The following KIF21B variants were observed in gnomAD, a reference collection of about 807,000 sequenced individuals.
KIF21B encodes the protein kinesin-like protein KIF21B.
KIF21B carries 85 observed loss-of-function variants against 192.9 expected under a neutral mutation model. The observed-to-expected ratio is 0.44, with a 90% CI of 0.37 to 0.53. KIF21B has a LOEUF of 0.53. KIF21B is among the 20% of genes least tolerant of loss of function. The probability of loss-of-function intolerance (pLI) is 0.00; values close to 1 mark genes in which losing one functional copy is unlikely to be tolerated. For missense variants in KIF21B, 1,716 were observed against 2,194.8 expected (o/e 0.78, Z 4.36); for synonymous variants, 832 against 884.6 (o/e 0.94, Z 1.05).
In KIF21B at chr1:200,992,355, T is replaced by C; in HGVS notation, c.2312A>G (p.Gln771Arg). The part of the protein sequence containing the change: ...ALMKQMREEQ[Q>R]RRRLVETKRN... Reference sequence around the variant, plus strand: ...CTTGGTCTCCACTAGCCGCCGCCGCTGTTGCTCCTCACGCATCTGCTTCAT... The same window carrying C: ...CTTGGTCTCCACTAGCCGCCGCCGCCGTTGCTCCTCACGCATCTGCTTCAT... Residue 771 changes from glutamine to arginine, a missense_variant, in exon 16 of 35, where the codon CAG becomes CGG. Physicochemically the swap from Gln to Arg is conservative, Grantham distance 43. Coordinates refer to ENST00000461742, the MANE Select transcript of KIF21B (RefSeq NM_001252102.2). The C allele has an allele frequency of 6.2e-7, 1 of 1,613,312 alleles. No individual in the cohort carries two copies. Among genetic ancestry groups the C allele is most frequent in the Non-Finnish European group, 8.5e-7 (1 of 1,180,034 alleles).
intron 8 of KIF21B, chr1:201,003,297 C>G (rs2102446140): frequency 2.0e-6 from 1 of 489,910 alleles, no homozygotes; most frequent in South Asian, 2.1e-5. Flanking sequence ...GAGTGTCTGC[C>G]CTGTGCACAA....
Position 200,990,541 on chromosome 1 carries a change from G to T in KIF21B, c.2835+35C>A. 6.2e-7 allele frequency: 1 copy of T among 1,607,402 alleles called. No homozygotes were observed. The highest frequency in any genetic ancestry group is 8.5e-7 in the Non-Finnish European group (1 of 1,176,062). On this transcript the variant is annotated intron_variant, in intron 19 of 34. Coordinates refer to ENST00000461742, the MANE Select transcript of KIF21B (RefSeq NM_001252102.2). The surrounding 1 kb of genome is among the most constrained non-coding windows in gnomAD (Gnocchi z 5.4). ...GGAGGTGTCAGAGGACAGGCAGAGGGGTGGAATGGAAGAGAAGGGGGAGGC... is the reference window on the plus strand; with the variant it reads ...GGAGGTGTCAGAGGACAGGCAGAGGTGTGGAATGGAAGAGAAGGGGGAGGC...
chr1:201,001,400 A>G (rs79710471), intron 9 of KIF21B: 3,138 of 152,836 alleles, frequency 0.021, 62 homozygotes, highest in Non-Finnish European at 0.034. Flanking sequence ...TTAAATTTTT[A>G]TTTTTTGGTT....
intron 1 of KIF21B, among the ~76,000 whole-genome samples, chr1:201,014,080 G>A (rs1658370046): frequency 6.6e-6 from 1 of 152,258 alleles, no homozygotes; most frequent in African/African-American, 2.4e-5. Context: ...GCGGCGGGTA[G>A]AGCGGGCGCG....
rs757521014 is a variant in KIF21B at position 200,992,291 on chromosome 1, C to T, written c.2376G>A (p.Arg792=). ...REIAQLKKEQ[R]RQEFQIRALE... ...AAGGGCCACCCCTCACCTCCTGTCG[C>T]CGCTGCTCCTTCTTGAGCTGTGCGA... The change falls in exon 16 of 35, where the codon CGG becomes CGA. Residue 792 remains arginine, a synonymous_variant. Transcript: ENST00000461742. 17 of 1,611,758 alleles carry T rather than the reference C, an allele frequency of 1.1e-5. No individual in the cohort carries two copies. The highest frequency in any genetic ancestry group is 7.7e-5 in the South Asian group (7 of 91,094).
intron 1 of KIF21B, among the ~76,000 whole-genome samples, chr1:201,013,770 T>C (rs1051219316): frequency 6.6e-6 from 1 of 152,236 alleles, no homozygotes; most frequent in African/African-American, 2.4e-5. Context: ...AAAACCTCAG[T>C]AATCAAGATA....
intron 14 of KIF21B, 105 bp from the exon 15 acceptor site, chr1:200,996,500 G>GT: frequency 9.8e-7 from 1 of 1,023,866 alleles, no homozygotes; most frequent in South Asian, 1.4e-5. Flanking sequence ...CAGTCTCATT[G>GT]TATGACCTTG....
chr1:200,973,818 G>C, intron 34 of KIF21B: 1 of 1,430,804 alleles, frequency 7.0e-7, no homozygotes, highest in Non-Finnish European at 9.1e-7. Flanking sequence ...TTTTTTGGGG[G>C]GGTGTTTCGT....
Position 200,986,904 on chromosome 1 carries a change from C to G in KIF21B, c.3629G>C (p.Arg1210Pro). 2 of 1,613,870 alleles carry G rather than the reference C, an allele frequency of 1.2e-6. No homozygotes were observed. The highest frequency in any genetic ancestry group is 1.7e-5 in the Admixed American group (1 of 59,984). Residue 1210 changes from arginine to proline, a missense_variant, in exon 26 of 35, where the codon CGA becomes CCA. This residue lies in a region of KIF21B where 580 missense variants were observed against 775.5 expected (regional missense o/e 0.75). Coordinates refer to ENST00000461742, the MANE Select transcript of KIF21B (RefSeq NM_001252102.2). ...CGTCAGCGGGGACGTCTCTGTGGCT[C>G]GAGATTGCCTAGGGCTACAACAGAA... ...TRGSTFPRQS[R>P]ATETSPLTRR...
At position 200,988,800 on chromosome 1, in the gene KIF21B, G is replaced by A. The variant is rs770735223; in HGVS notation, c.3264C>T (p.Pro1088=). 7.4e-6 allele frequency: 12 copies of A among 1,613,768 alleles called. No homozygotes were observed. The highest frequency in any genetic ancestry group is 6.7e-5 in the Admixed American group (4 of 59,970). ...DALREKAEAH[P]ELQALIYNVQ... is the part of the protein sequence containing the mutation. ...CATTGTAGATGAGGGCCTGCAGCTC[G>A]GGGTGAGCTTCAGCCTTCTCACGCA... Residue 1088 remains proline (P), a synonymous_variant, in exon 22 of 35, where the codon CCC becomes CCT. Coordinates refer to ENST00000461742, the MANE Select transcript of KIF21B (RefSeq NM_001252102.2).
intron 1 of KIF21B, among the ~76,000 whole-genome samples, chr1:201,011,125 A>G (rs573349631): frequency 3.3e-4 from 50 of 152,366 alleles, no homozygotes; most frequent in African/African-American, 1.2e-3. Flanking sequence ...TCGTCTCCCA[A>G]CTGAATTGGC....
At chr1:200,991,537 T>C in intron 17 of KIF21B, 120 bp downstream of exon 17, 5 of 1,029,604 alleles carry the variant, frequency 4.9e-6, no homozygotes, top group Non-Finnish European at 7.3e-6. Flanking sequence ...AACTGGGAAA[T>C]ACCGCCTTTA....
rs886780882 is a variant in KIF21B, at chr1:201,008,005, T to C, written c.447+764A>G. Among the ~76,000 whole-genome samples, 3 of 152,042 alleles carry C rather than the reference T, an allele frequency of 2.0e-5. No individual in the cohort carries two copies. The South Asian group carries it at 6.2e-4, about 32-fold the overall frequency. On this transcript the variant is annotated intron_variant, in intron 3 of 34. Transcript: ENST00000461742. ...CACCACCTGTGTGCCCAGGAGGGAG[T>C]AGCTGTGTTGTGGTAGGCAGGGGCT...
At chr1:201,009,130 G>T (rs1016317185) in intron 2 of KIF21B, 136 bp downstream of exon 2, 2 of 1,102,638 alleles carry the variant, frequency 1.8e-6, no homozygotes, top group Non-Finnish European at 2.6e-6. Flanking sequence ...GCTAACCAGC[G>T]GTGCAACGGC....
Position 201,000,552 on chromosome 1 carries a change from C to G in KIF21B, c.1523G>C (p.Arg508Pro). Residue 508 changes from arginine to proline, a missense_variant, in exon 11 of 35, where the codon CGG becomes CCG. Arg to Pro is a moderately radical substitution (Grantham distance 103). Transcript: ENST00000461742. The surrounding 1 kb of genome is among the most constrained non-coding windows in gnomAD (Gnocchi z 6.0). ...MNESLRRSLS[R>P]ASARSPYSLG... The stretch of plus-strand genomic sequence containing the variant: ...GGAGTAGGGGCTCCTAGCCGAGGCC[C>G]GTGAGAGGCTGCGGCGCAGGGACTC... The G allele has an allele frequency of 6.2e-7, 1 of 1,613,222 alleles. No homozygotes were observed. The highest frequency in any genetic ancestry group is 8.5e-7 in the Non-Finnish European group (1 of 1,179,666).
intron 1 of KIF21B, among the ~76,000 whole-genome samples, chr1:201,016,353 C>A (rs995372105): frequency 6.6e-6 from 1 of 152,178 alleles, no homozygotes; most frequent in African/African-American, 2.4e-5. Context: ...AAAGCTGAAG[C>A]CTGGAGCAGG....
intron 8 of KIF21B, 86 bp downstream of exon 8, chr1:201,003,500 A>C (rs544867233): frequency 7.4e-7 from 1 of 1,358,054 alleles, no homozygotes; most frequent in South Asian, 1.2e-5. Context: ...ATGCTGAGGA[A>C]GTTAGGGTGA....
rs998829153 is a variant in KIF21B, at chr1:200,975,880, G to C, written c.4444-211C>G. On this transcript the variant is annotated intron_variant, in intron 32 of 34. Coordinates refer to ENST00000461742, the MANE Select transcript of KIF21B (RefSeq NM_001252102.2). This position sits in a 1 kb window ranked among gnomAD's most constrained non-coding sequence, Gnocchi z 4.3. The stretch of plus-strand genomic sequence containing the variant: ...TGGGAACACGGAAGGTTCAGATCTT[G>C]ACCCTTCCTGTGGATACTGGGGCAG... Among the ~76,000 whole-genome samples the C allele has an allele frequency of 7.9e-5, 12 of 152,202 alleles. No homozygotes were observed. Among genetic ancestry groups the C allele is most frequent in the African/African-American group, 2.2e-4 (9 of 41,528 alleles).
intron 8 of KIF21B, 46 bp from the exon 9 acceptor site, chr1:201,002,396 G>GT: frequency 6.4e-7 from 1 of 1,571,188 alleles, no homozygotes; most frequent in South Asian, 1.1e-5. Context: ...AGAGCTCGCG[G>GT]TTGGGGGGGT....
Sources: gnomAD v4.1 joint callset for allele counts (sites outside exome capture counted in the v4.1 genomes callset) on GRCh38, gnomAD v4.1.1 for gene constraint, gnomAD v4.1.1 regional missense constraint, Gnocchi (gnomAD v3.1) non-coding constraint, MANE v1.5 for transcripts, NCBI Gene and HGNC (gene_info 2026-07-23, HGNC 2026-07-21) for gene names.